The following JARID2 variants were observed in gnomAD, a reference collection of about 807,000 sequenced individuals.
JARID2 encodes the protein jumonji and AT-rich interaction domain containing 2.
Under a neutral mutation model 125.6 loss-of-function variants are expected in JARID2, and 21 were observed. That is an observed-to-expected ratio of 0.17 (90% CI 0.12 to 0.24). The LOEUF is 0.24. JARID2 is among the 10% of genes least tolerant of loss of function. The pLI, the probability that JARID2 is intolerant of heterozygous loss-of-function variation, is 1.00. For synonymous variants in JARID2, 736 were observed against 661.6 expected, an observed-to-expected ratio of 1.11 and a Z score of -1.73; for missense variants, 1,303 against 1,639.6, an observed-to-expected ratio of 0.79 and a Z score of 3.55.
intron 1 of JARID2, among the ~76,000 whole-genome samples, chr6:15,288,687 G>T (rs1761093421): frequency 6.6e-6 from 1 of 152,190 alleles, no homozygotes; most frequent in South Asian, 2.1e-4. Context: ...ATATCAGTGT[G>T]TACTTTATTC....
intron 1 of JARID2, among the ~76,000 whole-genome samples, chr6:15,344,478 G>A (rs1188927952): frequency 6.6e-6 from 1 of 151,244 alleles, no homozygotes; most frequent in African/African-American, 2.4e-5. Flanking sequence ...AACCAACGCA[G>A]CTGTATTGCT....
At chr6:15,417,965 T>G (rs1276585294) in intron 3 of JARID2, among the ~76,000 whole-genome samples, 2 of 152,172 alleles carry the variant, frequency 1.3e-5, no homozygotes, top group African/African-American at 4.8e-5. Flanking sequence ...CAGCCATCTG[T>G]AGGCAGATGG....
chr6:15,485,673 G>A (rs1379355922), intron 5 of JARID2, among the ~76,000 whole-genome samples: 1 of 152,186 alleles, frequency 6.6e-6, no homozygotes, highest in Non-Finnish European at 1.5e-5. Context: ...GAAGATATAC[G>A]GAAGGGTAGG....
intron 1 of JARID2, among the ~76,000 whole-genome samples, chr6:15,251,399 T>G (rs1319620121): frequency 6.6e-6 from 1 of 152,236 alleles, no homozygotes; most frequent in Non-Finnish European, 1.5e-5. Flanking sequence ...GAATTCTGGC[T>G]GCATTGCTCT....
Position 15,511,395 on chromosome 6 carries a change from C to T in JARID2, c.2946C>T (p.Asn982=), listed in dbSNP as rs368584148. 16 of 1,608,780 alleles carry T rather than the reference C, an allele frequency of 9.9e-6. No homozygotes were observed. The East Asian group carries it at 1.8e-4, about 18-fold the overall frequency. Residue 982 remains asparagine (N), a synonymous_variant, in exon 13 of 18, where the codon AAC becomes AAT. Coordinates refer to ENST00000341776, the MANE Select transcript of JARID2 (RefSeq NM_004973.4). Reference sequence around the variant, plus strand: ...CAGGGCTGCAGATGCTGGAAAGCAACGTCATGGTGCGTCCACTCAGCCACC... The same window carrying T: ...CAGGGCTGCAGATGCTGGAAAGCAATGTCATGGTGCGTCCACTCAGCCACC... ...GTPGLQMLES[N]VMISPEVLCK... is the part of the protein sequence containing the mutation.
At chr6:15,417,015 A>T (rs1012044471) in intron 3 of JARID2, among the ~76,000 whole-genome samples, 3 of 152,180 alleles carry the variant, frequency 2.0e-5, no homozygotes, top group African/African-American at 7.2e-5. Flanking sequence ...TGAAACGATA[A>T]TGTACAGTTA....
rs770365976 is a variant in JARID2 at position 15,374,179 on chromosome 6, T to C, written c.108T>C (p.Ser36=). ...ERVVRKVLYL[S]LKEFKNSQKR... Reference sequence around the variant, plus strand: ...TGGTACGTAAAGTCCTTTATTTGTCTCTGAAGGAGTTCAAGAATTCCCAGA... The same window carrying C: ...TGGTACGTAAAGTCCTTTATTTGTCCCTGAAGGAGTTCAAGAATTCCCAGA... The change falls in exon 2 of 18, where the codon TCT becomes TCC. Residue 36 remains serine (S), a synonymous_variant. Transcript: ENST00000341776. The C allele has an allele frequency of 6.2e-7, 1 of 1,614,136 alleles. No individual in the cohort carries two copies. The highest frequency in any genetic ancestry group is 8.5e-7 in the Non-Finnish European group (1 of 1,179,964).
At chr6:15,356,056 G>A (rs1337560711) in intron 1 of JARID2, among the ~76,000 whole-genome samples, 2 of 152,178 alleles carry the variant, frequency 1.3e-5, no homozygotes, top group East Asian at 1.9e-4. Context: ...TGGAGACTTC[G>A]TAGCAATGGA....
chr6:15,410,107 T>C (rs1765815172), intron 2 of JARID2, 117 bp from the exon 3 acceptor site: 4 of 933,776 alleles, frequency 4.3e-6, no homozygotes, highest in Non-Finnish European at 6.2e-6. Context: ...TGCTTTTAAA[T>C]TCTCTTCTAT....
intron 1 of JARID2, among the ~76,000 whole-genome samples, chr6:15,301,085 A>G (rs17713010): frequency 0.04 from 6,147 of 152,296 alleles, 173 homozygotes; most frequent in South Asian, 0.11. Flanking sequence ...GCAGCGTATA[A>G]GTAACTGGGT....
intron 5 of JARID2, among the ~76,000 whole-genome samples, chr6:15,484,045 G>A (rs557813127): frequency 1.3e-5 from 2 of 152,200 alleles, no homozygotes; most frequent in Admixed American, 6.5e-5. Flanking sequence ...CCATTGTAAA[G>A]GCAAATAATG....
At chr6:15,503,121 C>A (rs189426483) in intron 8 of JARID2, among the ~76,000 whole-genome samples, 5 of 152,060 alleles carry the variant, frequency 3.3e-5, no homozygotes, top group African/African-American at 1.2e-4. Context: ...TGGAGCTCTG[C>A]GTGGTGGCCA....
intron 8 of JARID2, among the ~76,000 whole-genome samples, chr6:15,503,678 C>T (rs1770853563): frequency 6.6e-6 from 1 of 152,196 alleles, no homozygotes; most frequent in African/African-American, 2.4e-5. Flanking sequence ...TAGGATTTGA[C>T]CTAGTACACC....
At chr6:15,430,606 T>C (rs1408997932) in intron 3 of JARID2, among the ~76,000 whole-genome samples, 4 of 152,226 alleles carry the variant, frequency 2.6e-5, no homozygotes, top group African/African-American at 9.6e-5. Context: ...AAAAGTGCAC[T>C]AAGCAAGCAT....
At chr6:15,504,692 C>A in intron 9 of JARID2, 100 bp downstream of exon 9, 1 of 754,458 alleles carries the variant, frequency 1.3e-6, no homozygotes, top group Non-Finnish European at 2.3e-6. Context: ...GCTCGGTGAA[C>A]GGAAAGGACT....
At chr6:15,358,861 G>A (rs1286584861) in intron 1 of JARID2, among the ~76,000 whole-genome samples, 1 of 152,184 alleles carries the variant, frequency 6.6e-6, no homozygotes, top group Non-Finnish European at 1.5e-5. Flanking sequence ...GGGAGATGGC[G>A]GGACTGAATT....
intron 1 of JARID2, chr6:15,369,432 C>A: frequency 3.1e-6 from 1 of 323,810 alleles, no homozygotes; most frequent in South Asian, 2.5e-5. Context: ...CATCACTTCT[C>A]CTCTAAAGGG....
In JARID2 at chr6:15,470,371, AGG is replaced by A. The variant is rs559421634; in HGVS notation, c.670+1654_670+1655del. Among the ~76,000 whole-genome samples the A allele has an allele frequency of 3.9e-3, 590 of 152,256 alleles. 4 individuals are homozygous for A. Among genetic ancestry groups the A allele is most frequent in the Middle Eastern group, 0.02 (6 of 294 alleles). On this transcript the variant is annotated intron_variant, in intron 5 of 17. Coordinates refer to ENST00000341776, the MANE Select transcript of JARID2 (RefSeq NM_004973.4). ...AATCAGTGCTGTCTGTAAGTGATTG[AGG>A]CAAAGGAGAGCTGCTCATTTTTCTC...
chr6:15,331,639 G>C (rs531413167), intron 1 of JARID2, among the ~76,000 whole-genome samples: 1 of 152,050 alleles, frequency 6.6e-6, no homozygotes, highest in African/African-American at 2.4e-5. Context: ...GCTGAGGCAG[G>C]CTGATCACCT....
Sources: allele counts gnomAD v4.1 joint callset (sites outside exome capture counted in the v4.1 genomes callset), GRCh38; gene constraint gnomAD v4.1.1; transcripts MANE v1.5; gene names NCBI Gene and HGNC (gene_info 2026-07-23, HGNC 2026-07-21).